SPHKAP: variants seen among roughly 807,000 people sequenced by gnomAD.
SPHKAP encodes the protein A-kinase anchor protein SPHKAP.
Under a neutral mutation model 137.5 loss-of-function variants are expected in SPHKAP, and 67 were observed. That is an observed-to-expected ratio of 0.49 (90% CI 0.40 to 0.60). The LOEUF (loss-of-function observed/expected upper bound fraction) is 0.60. SPHKAP is among the 20% of genes least tolerant of loss of function. SPHKAP has a pLI of 0.00. For missense variants in SPHKAP, 2,097 were observed against 2,069.3 expected, an observed-to-expected ratio of 1.01 and a Z score of -0.26; for synonymous variants, 813 against 785.3, an observed-to-expected ratio of 1.04 and a Z score of -0.59.
intron 1 of SPHKAP, among the ~76,000 whole-genome samples, chr2:228,154,512 C>CTCTATATATATATATATATATATA (rs1393941364): frequency 4.5e-5 from 1 of 22,066 alleles, no homozygotes; most frequent in Non-Finnish European, 7.4e-5. Flanking sequence ...CTCTCTCTCT[C>CTCTATATATATATATATATATATA]TATATATATA....
chr2:227,985,879 C>T (rs144833846), intron 11 of SPHKAP, among the ~76,000 whole-genome samples: 107 of 152,300 alleles, frequency 7.0e-4, no homozygotes, highest in African/African-American at 2.5e-3. Flanking sequence ...TTCTTTTGCT[C>T]CAAGGCAGAA....
At chr2:228,162,338 A>T (rs1042365233) in intron 1 of SPHKAP, among the ~76,000 whole-genome samples, 1 of 152,222 alleles carries the variant, frequency 6.6e-6, no homozygotes, top group African/African-American at 2.4e-5. Flanking sequence ...AATTTCAGGT[A>T]TCAATTCTGA....
chr2:228,018,663 C>A lies in SPHKAP; in HGVS notation c.2191G>T (p.Gly731Cys). ...FKKMSHIVRL[G>C]ECPAVLSKET... is the part of the protein sequence containing the mutation. ...TTAGAAAGGACAGCAGGACATTCAC[C>A]AAGCCGTACAATATGACTCATCTTC... is the stretch of plus-strand genomic sequence containing the variant. The change falls in exon 7 of 12, where the codon GGT (glycine) becomes TGT (cysteine). Residue 731 changes from glycine to cysteine, a missense_variant. Physicochemically the swap from Gly to Cys is radical, Grantham distance 159 (BLOSUM62 -3). Coordinates refer to ENST00000392056, the MANE Select transcript of SPHKAP (RefSeq NM_001142644.2). The A allele has an allele frequency of 6.2e-7, 1 of 1,614,158 alleles. No homozygotes were observed.
At chr2:228,103,593 G>T (rs12471307) in intron 3 of SPHKAP, among the ~76,000 whole-genome samples, 2 of 151,978 alleles carry the variant, frequency 1.3e-5, no homozygotes, top group East Asian at 1.9e-4. Context: ...TCTGCCCTCC[G>T]CAGCCTGCTG....
chr2:228,016,288 T>C (rs1694586969), intron 7 of SPHKAP, 118 bp downstream of exon 7: 6 of 1,444,762 alleles, frequency 4.2e-6, no homozygotes, highest in Non-Finnish European at 5.4e-6. Context: ...TTTTTTGGTC[T>C]TGAAAATTTA....
chr2:228,085,298 G>C (rs540409375), intron 3 of SPHKAP, among the ~76,000 whole-genome samples: 1 of 152,212 alleles, frequency 6.6e-6, no homozygotes, highest in South Asian at 2.1e-4. Flanking sequence ...ATGACTTATC[G>C]TTATTAGACA....
At chr2:228,170,240 C>A (rs1375624309) in intron 1 of SPHKAP, among the ~76,000 whole-genome samples, 1 of 152,020 alleles carries the variant, frequency 6.6e-6, no homozygotes, top group Non-Finnish European at 1.5e-5. Context: ...TGCGATGGAG[C>A]CTACTCCTGG....
intron 11 of SPHKAP, among the ~76,000 whole-genome samples, chr2:227,983,212 C>T (rs1023082694): frequency 6.6e-6 from 1 of 152,182 alleles, no homozygotes; most frequent in South Asian, 2.1e-4. Flanking sequence ...TGTTAATTCA[C>T]TTCAGTTACT....
intron 3 of SPHKAP, among the ~76,000 whole-genome samples, chr2:228,091,259 G>A (rs1288185743): frequency 2.6e-5 from 4 of 151,946 alleles, no homozygotes; most frequent in Non-Finnish European, 5.9e-5. Flanking sequence ...AAAAAATAGA[G>A]GTCAACTCAA....
intron 3 of SPHKAP, among the ~76,000 whole-genome samples, chr2:228,082,209 T>A (rs1697386245): frequency 6.6e-6 from 1 of 152,190 alleles, no homozygotes; most frequent in East Asian, 1.9e-4. Flanking sequence ...ATTTTCCCAA[T>A]TAATCCATTA....
chr2:228,032,635 G>C (rs980499351), intron 3 of SPHKAP, among the ~76,000 whole-genome samples: 2 of 152,096 alleles, frequency 1.3e-5, no homozygotes, highest in Non-Finnish European at 2.9e-5. Context: ...GAGAAAGGTC[G>C]GGTTACCCAC....
chr2:228,181,538 T>A lies in SPHKAP; in HGVS notation c.32+29A>T. On this transcript the variant is annotated intron_variant, in intron 1 of 11. Coordinates refer to ENST00000392056, the MANE Select transcript of SPHKAP (RefSeq NM_001142644.2). The surrounding 1 kb of genome is among the most constrained non-coding windows in gnomAD (Gnocchi z 4.3). ...GCGGAACGGAGTTTGATCGACATGGTATTGGGCATAGAAAGAAGCGGGTCT... is the reference window on the plus strand; with the variant it reads ...GCGGAACGGAGTTTGATCGACATGGAATTGGGCATAGAAAGAAGCGGGTCT... The A allele has an allele frequency of 6.2e-7, 1 of 1,614,012 alleles. No individual in the cohort carries two copies. Among genetic ancestry groups the A allele is most frequent in the South Asian group, 1.1e-5 (1 of 91,072 alleles).
At chr2:228,032,392 A>G (rs532824078) in intron 3 of SPHKAP, among the ~76,000 whole-genome samples, 1 of 152,184 alleles carries the variant, frequency 6.6e-6, no homozygotes, top group Non-Finnish European at 1.5e-5. Flanking sequence ...GAAAAGACCA[A>G]ATCTACGTCT....
intron 1 of SPHKAP, among the ~76,000 whole-genome samples, chr2:228,149,883 C>T (rs1270576524): frequency 3.9e-5 from 6 of 152,012 alleles, no homozygotes; most frequent in Admixed American, 3.9e-4. Flanking sequence ...ACTGGAAATG[C>T]TCAGATTTGG....
At chr2:227,988,746 A>G (rs892441942) in intron 11 of SPHKAP, among the ~76,000 whole-genome samples, 2 of 152,150 alleles carry the variant, frequency 1.3e-5, no homozygotes, top group African/African-American at 4.8e-5. Flanking sequence ...CCTCCTCTAC[A>G]TAGCAAGGGG....
In SPHKAP at chr2:228,098,349, C is replaced by G. The variant is rs376324238; in HGVS notation, c.246+10483G>C. On this transcript the variant is annotated intron_variant, in intron 3 of 11. Transcript: ENST00000392056. ...GTGGCACTATTCACAATAGCAAAGA[C>G]TTGGAACCAACCCAAATGTCCAACA... Among the ~76,000 whole-genome samples the G allele has an allele frequency of 3.9e-5, 6 of 152,210 alleles. No individual in the cohort carries two copies. In the East Asian group the frequency reaches 7.7e-4, roughly 20 times the overall value.
chr2:228,122,421 T>C (rs893333083), intron 2 of SPHKAP, among the ~76,000 whole-genome samples: 1 of 152,262 alleles, frequency 6.6e-6, no homozygotes, highest in Non-Finnish European at 1.5e-5. Flanking sequence ...CTGTCACCAC[T>C]GTACAGAAAA....
At chr2:228,016,325 G>A (rs112468729) in intron 7 of SPHKAP, 81 bp downstream of exon 7, 1 of 1,414,654 alleles carries the variant, frequency 7.1e-7, no homozygotes, top group Non-Finnish European at 9.2e-7. Context: ...AATCCTTTAT[G>A]TCTAAAATTT....
chr2:228,017,446 CT>C lies in SPHKAP; in HGVS notation c.3407del (p.Gln1136ArgfsTer25). On this transcript the variant is annotated frameshift_variant, in exon 7 of 12. Transcript: ENST00000392056. LOFTEE classifies it high-confidence loss of function. ...CAAATCCTCTCCCTTCATTTTCCAT[CT>C]GGTTCACCATGAACCTGGAAAACTC... is the stretch of plus-strand genomic sequence containing the variant. ...TDEFSRFMVN[Q>X]MENEGRGFEL... The C allele has an allele frequency of 6.2e-7, 1 of 1,613,992 alleles. No homozygotes were observed. The highest frequency in any genetic ancestry group is 8.5e-7 in the Non-Finnish European group (1 of 1,180,038).
Sources: allele counts gnomAD v4.1 joint callset (sites outside exome capture counted in the v4.1 genomes callset), GRCh38; gene constraint gnomAD v4.1.1; non-coding constraint Gnocchi (gnomAD v3.1); transcripts MANE v1.5; gene names NCBI Gene and HGNC (gene_info 2026-07-23, HGNC 2026-07-21).